Variants in KAZN observed in about 807,000 individuals in gnomAD.
KAZN encodes the protein kazrin.
In KAZN, 40 loss-of-function variants were observed where a neutral mutation model predicts 87.4. The ratio of observed to expected loss-of-function variants is 0.46; its 90% CI spans 0.36 to 0.60. The LOEUF (loss-of-function observed/expected upper bound fraction) is 0.60, where lower values mean the gene tolerates loss of function less well. Among genes scored for constraint, KAZN ranks in the 20% least tolerant of loss-of-function variants. KAZN has a pLI of 0.00. For synonymous variants in KAZN, 466 were observed against 458.3 expected (o/e 1.02, Z -0.22); for missense variants, 898 against 1,073.9 (o/e 0.84, Z 2.29).
At chr1:14,026,217 G>T (rs1171412759) in intron 1 of KAZN, among the ~76,000 whole-genome samples, 2 of 152,076 alleles carry the variant, frequency 1.3e-5, no homozygotes, top group African/African-American at 4.8e-5. Flanking sequence ...CCCAATGAGA[G>T]CTCAGGGATT....
chr1:14,736,453 C>A (rs1009963447), intron 1 of KAZN, among the ~76,000 whole-genome samples: 1 of 149,556 alleles, frequency 6.7e-6, no homozygotes, highest in African/African-American at 2.5e-5. Context: ...CATGTGCCAC[C>A]ACACCCAGCT....
chr1:14,446,041 AT>A (rs1267033189), intron 2 of KAZN, among the ~76,000 whole-genome samples: 1 of 151,254 alleles, frequency 6.6e-6, no homozygotes, highest in Non-Finnish European at 1.5e-5. Flanking sequence ...AAAAAAAAAA[AT>A]TAAGTTAGCC....
At chr1:15,049,525 A>C (rs925361392) in intron 4 of KAZN, among the ~76,000 whole-genome samples, 4 of 152,004 alleles carry the variant, frequency 2.6e-5, no homozygotes, top group Admixed American at 2.0e-4. Flanking sequence ...ACATGGCCAG[A>C]TGTCCCCTGG....
At chr1:14,731,158 G>T (rs1026241441) in intron 1 of KAZN, among the ~76,000 whole-genome samples, 2 of 143,716 alleles carry the variant, frequency 1.4e-5, no homozygotes, top group Non-Finnish European at 3.1e-5. Flanking sequence ...ATACCATCAT[G>T]AGCAAATGGA....
chr1:14,662,094 G>T (rs1639214840), intron 1 of KAZN, among the ~76,000 whole-genome samples: 1 of 152,168 alleles, frequency 6.6e-6, no homozygotes, highest in African/African-American at 2.4e-5. Context: ...CCTCATCTGA[G>T]GTGTCTGTGT....
intron 2 of KAZN, among the ~76,000 whole-genome samples, chr1:14,286,235 C>T (rs1247245176): frequency 2.0e-5 from 3 of 152,182 alleles, no homozygotes; most frequent in Non-Finnish European, 2.9e-5. Flanking sequence ...TACATTCTCC[C>T]CGTGTCTACA....
chr1:14,338,410 G>T (rs961426856), intron 2 of KAZN, among the ~76,000 whole-genome samples: 1 of 151,104 alleles, frequency 6.6e-6, no homozygotes, highest in East Asian at 2.0e-4. Context: ...GCTGGAACTT[G>T]GGAGGCAGAG....
intron 2 of KAZN, among the ~76,000 whole-genome samples, chr1:14,493,914 C>T (rs1557757215): frequency 6.6e-6 from 1 of 152,178 alleles, no homozygotes; most frequent in Non-Finnish European, 1.5e-5. Flanking sequence ...TCTCCTCAGT[C>T]CCATCTCCAG....
At chr1:15,107,774 T>A (rs1003649262) in intron 13 of KAZN, among the ~76,000 whole-genome samples, 2 of 152,200 alleles carry the variant, frequency 1.3e-5, no homozygotes, top group African/African-American at 4.8e-5. Context: ...AGCCCCAGCA[T>A]CACTGCTTTC....
intron 1 of KAZN, among the ~76,000 whole-genome samples, chr1:14,049,094 A>G (rs568254597): frequency 7.2e-4 from 110 of 152,322 alleles, no homozygotes; most frequent in Admixed American, 8.5e-4. Flanking sequence ...GACTGAATTA[A>G]GAAAATGTGG....
intron 1 of KAZN, among the ~76,000 whole-genome samples, chr1:14,622,076 A>G (rs544983300): frequency 1.4e-4 from 22 of 152,214 alleles, no homozygotes; most frequent in Non-Finnish European, 2.8e-4. Flanking sequence ...ACACTAGTTG[A>G]AGAGGCCATT....
chr1:14,534,596 G>A (rs1416942274), intron 2 of KAZN, among the ~76,000 whole-genome samples: 4 of 152,102 alleles, frequency 2.6e-5, no homozygotes, highest in Non-Finnish European at 5.9e-5. Flanking sequence ...AGTGAGCCGA[G>A]ATCGCACCAC....
intron 1 of KAZN, among the ~76,000 whole-genome samples, chr1:14,681,613 GTATATATATATATATATATATATATATA>G (rs1338776154): frequency 0.015 from 446 of 29,096 alleles, 14 homozygotes; most frequent in African/African-American, 0.021. Context: ...ATGTATATGT[GTATATATATATATATATATATATATATA>G]TATATATATA....
At chr1:13,930,322 C>A (rs1334854573) in intron 1 of KAZN, among the ~76,000 whole-genome samples, 1 of 152,186 alleles carries the variant, frequency 6.6e-6, no homozygotes, top group Non-Finnish European at 1.5e-5. Context: ...TAGACCTGAA[C>A]CCCACCTGTA....
At chr1:14,011,588 T>G (rs967533137) in intron 1 of KAZN, among the ~76,000 whole-genome samples, 1 of 152,120 alleles carries the variant, frequency 6.6e-6, no homozygotes, top group African/African-American at 2.4e-5. Flanking sequence ...GCTCTGAAAT[T>G]GCAGACTCTG....
At chr1:14,669,056 T>G (rs1191392666) in intron 1 of KAZN, among the ~76,000 whole-genome samples, 1 of 152,206 alleles carries the variant, frequency 6.6e-6, no homozygotes, top group East Asian at 1.9e-4. Context: ...TAACCCATTG[T>G]TATCAAGGTG....
At chr1:14,424,687 T>C (rs1665616184) in intron 2 of KAZN, among the ~76,000 whole-genome samples, 1 of 152,232 alleles carries the variant, frequency 6.6e-6, no homozygotes. Context: ...TCTAGATGTT[T>C]ACATTGCAAA....
At chr1:14,569,292 A>G (rs925148946) in intron 2 of KAZN, among the ~76,000 whole-genome samples, 17 of 130,132 alleles carry the variant, frequency 1.3e-4, no homozygotes, top group Non-Finnish European at 2.4e-4. Flanking sequence ...CCACAAAACC[A>G]CCTCCTCTAC....
intron 1 of KAZN, among the ~76,000 whole-genome samples, chr1:14,663,158 A>G (rs1489990149): frequency 3.3e-5 from 5 of 151,776 alleles, no homozygotes; most frequent in Non-Finnish European, 7.4e-5. Flanking sequence ...CTTTTTTTCC[A>G]TACAGACAGA....
Sources: allele counts gnomAD v4.1 joint callset (sites outside exome capture counted in the v4.1 genomes callset), GRCh38; gene constraint gnomAD v4.1.1; transcripts MANE v1.5; gene names NCBI Gene and HGNC (gene_info 2026-07-23, HGNC 2026-07-21).